The following NOXA1 variants were observed in gnomAD, a reference collection of about 807,000 sequenced individuals.
The protein encoded by NOXA1 is NCF2-like protein.
Under a neutral mutation model 64.8 loss-of-function variants are expected in NOXA1, and 56 were observed. That is an observed-to-expected ratio of 0.86 (90% confidence interval 0.70 to 1.08). The LOEUF (loss-of-function observed/expected upper bound fraction) is 1.08, where lower values mean the gene tolerates loss of function less well. Ranked by LOEUF, NOXA1 falls within the 50% of genes least tolerant of loss-of-function variation. The probability of loss-of-function intolerance (pLI) is 0.00; values close to 1 mark genes in which losing one functional copy is unlikely to be tolerated. For missense variants in NOXA1, 668 were observed against 658.5 expected, an observed-to-expected ratio of 1.01 and a Z score of -0.16; for synonymous variants, 295 against 294.8, an observed-to-expected ratio of 1.00 and a Z score of -0.01.
At chr9:137,427,859 A>C (rs567766364) in intron 2 of NOXA1, among the ~76,000 whole-genome samples, 174 bp from the exon 3 acceptor site, 2 of 152,328 alleles carry the variant, frequency 1.3e-5, no homozygotes, top group East Asian at 3.9e-4. Flanking sequence ...ACACATGTGC[A>C]TGGACCCCTG....
intron 8 of NOXA1, among the ~76,000 whole-genome samples, chr9:137,432,250 G>A (rs969389900): frequency 2.7e-5 from 4 of 145,948 alleles, no homozygotes; most frequent in Non-Finnish European, 4.5e-5. Flanking sequence ...ACTCCACTCC[G>A]GCCTGGGCAA....
chr9:137,423,487 C>T lies in NOXA1; in HGVS notation c.-43C>T. ...CCGCCTGGCCCCGGCCCCGGCCCCT[C>T]CGCGGGATCCTGGCCCCTCCTCGAG... On this transcript the variant is annotated 5_prime_UTR_variant, in exon 1 of 14. Transcript: ENST00000683555. 1 of 1,221,822 alleles carries T rather than the reference C, an allele frequency of 8.2e-7. No homozygotes were observed. The allele number at this position is 1,221,822 out of a possible 1,614,324, so 75.7% of individuals were successfully genotyped here.
At chr9:137,433,696 T>C (rs966019726) in intron 11 of NOXA1, 54 bp from the exon 12 acceptor site, 5 of 1,492,966 alleles carry the variant, frequency 3.3e-6, no homozygotes, top group African/African-American at 1.4e-5. Context: ...CAGAGGTCAC[T>C]GCCCTCCCTG....
At chr9:137,428,417 G>A (rs2131879717) in intron 3 of NOXA1, among the ~76,000 whole-genome samples, 1 of 152,154 alleles carries the variant, frequency 6.6e-6, no homozygotes, top group African/African-American at 2.4e-5. Context: ...AGGGGGTTGT[G>A]CCCACCCTCC....
Position 137,426,103 on chromosome 9 carries a change from G to T in NOXA1, c.178-145G>T, listed in dbSNP as rs566592994. ...GCCCTGCCCAGGCAGGGGCTCCGAA[G>T]GTTCCTGGACAGGAGCAGGAGGGGC... On this transcript the variant is annotated intron_variant, in intron 1 of 13. Transcript: ENST00000683555. The T allele has an allele frequency of 8.2e-5, 59 of 715,268 alleles. No homozygotes were observed. In the Middle Eastern group the frequency reaches 1.0e-3, roughly 13 times the overall value. 44.3% of individuals were successfully genotyped at this position (715,268 alleles called of 1,614,324 possible).
chr9:137,429,846 TC>T (rs1413475721), intron 5 of NOXA1, among the ~76,000 whole-genome samples: 1 of 10,204 alleles, frequency 9.8e-5, no homozygotes, highest in African/African-American at 4.2e-4. Flanking sequence ...GATAGCGAGG[TC>T]CCGGGGGGGG....
At chr9:137,425,098 G>A (rs1024137052) in intron 1 of NOXA1, among the ~76,000 whole-genome samples, 1 of 152,232 alleles carries the variant, frequency 6.6e-6, no homozygotes, top group African/African-American at 2.4e-5. Flanking sequence ...CCCCACATCA[G>A]GGCTGCGTGC....
rs1838665051 is a variant in NOXA1, at chr9:137,423,521, C to G, written c.-9C>G. 7.4e-7 allele frequency: 1 copy of G among 1,353,994 alleles called. No individual in the cohort carries two copies. The highest frequency in any genetic ancestry group is 1.5e-5 in the African/African-American group (1 of 66,380). 83.9% of individuals were successfully genotyped at this position (1,353,994 alleles called of 1,614,324 possible). On this transcript the variant is annotated 5_prime_UTR_variant, in exon 1 of 14. Coordinates refer to ENST00000683555, the MANE Select transcript of NOXA1 (RefSeq NM_001256067.2). ...CCTGGCCCCTCCTCGAGCGCCGCCA[C>G]CGGCCGCCATGGCCTCTCTGGGGGA... is the stretch of plus-strand genomic sequence containing the variant.
intron 2 of NOXA1, among the ~76,000 whole-genome samples, chr9:137,427,651 C>G (rs1218709376): frequency 2.0e-5 from 3 of 152,190 alleles, no homozygotes; most frequent in Non-Finnish European, 4.4e-5. Context: ...GAGCTCCCAG[C>G]AAGGCTTGGA....
intron 2 of NOXA1, among the ~76,000 whole-genome samples, chr9:137,426,692 A>G (rs538126255): frequency 1.3e-5 from 2 of 152,362 alleles, no homozygotes; most frequent in East Asian, 1.9e-4. Flanking sequence ...AGTGGATCAC[A>G]GTCCCGAGAG....
chr9:137,428,354 C>T (rs771904871), intron 3 of NOXA1, among the ~76,000 whole-genome samples: 2 of 152,024 alleles, frequency 1.3e-5, no homozygotes, highest in Non-Finnish European at 2.9e-5. Flanking sequence ...AGGGGTGGCT[C>T]CACCCAGAAG....
intron 5 of NOXA1, 59 bp downstream of exon 5, chr9:137,429,442 T>A: frequency 8.1e-7 from 1 of 1,233,390 alleles, no homozygotes; most frequent in Non-Finnish European, 1.2e-6. Context: ...TCGAACTGTG[T>A]TCCCAGGGAT....
chr9:137,426,404 C>T, intron 2 of NOXA1, 74 bp downstream of exon 2: 1 of 1,215,216 alleles, frequency 8.2e-7, no homozygotes, highest in Non-Finnish European at 1.2e-6. Context: ...TGCACCTCCT[C>T]CTCCTCCCTC....
chr9:137,433,109 A>T (rs772496952), intron 9 of NOXA1, 35 bp downstream of exon 9: 3 of 1,612,100 alleles, frequency 1.9e-6, no homozygotes, highest in Non-Finnish European at 2.5e-6. Flanking sequence ...TCCCCGGGTG[A>T]AGGAGGAAGC....
At position 137,433,232 on chromosome 9, in the gene NOXA1, C is replaced by T. The variant is rs1839194978; in HGVS notation, c.878C>T (p.Pro293Leu). Residue 293 changes from proline to leucine, a missense_variant, in exon 10 of 14, where the codon CCC becomes CTC. Coordinates refer to ENST00000683555, the MANE Select transcript of NOXA1 (RefSeq NM_001256067.2). Reference protein sequence around the residue: ...PGLPAMGGPGPGPCEDPAGAG... With the variant: ...PGLPAMGGPGLGPCEDPAGAG... The stretch of plus-strand genomic sequence containing the variant: ...CTGCCGGCAATGGGGGGGCCTGGCC[C>T]CGGCCCCTGTGAGGACCCCGCGGGT... 2 of 1,603,160 alleles carry T rather than the reference C, an allele frequency of 1.2e-6. No homozygotes were observed. Among genetic ancestry groups the T allele is most frequent in the Admixed American group, 1.7e-5 (1 of 57,994 alleles).
intron 1 of NOXA1, among the ~76,000 whole-genome samples, chr9:137,425,931 G>GT (rs1223441444): frequency 1.3e-5 from 2 of 152,194 alleles, no homozygotes; most frequent in Admixed American, 6.5e-5. Context: ...CTCCCCAGAG[G>GT]TAACTATTAT....
chr9:137,429,345 A>T lies in NOXA1; in HGVS notation c.574A>T (p.Lys192Ter). ...EVFRPHRWHL[K>*]HLEPVDFLGK... Reference sequence around the variant, plus strand: ...CTTCCGGCCCCACCGGTGGCACCTGAAGCACTTGGAGCCCGTGGATTTCCT... The same window carrying T: ...CTTCCGGCCCCACCGGTGGCACCTGTAGCACTTGGAGCCCGTGGATTTCCT... The change falls in exon 5 of 14, where the codon AAG becomes TAG. Residue 192 changes from lysine to a stop codon, truncating the protein, a stop_gained. Transcript: ENST00000683555. LOFTEE classifies it high-confidence loss of function. 6.3e-7 allele frequency: 1 copy of T among 1,585,266 alleles called. No individual in the cohort carries two copies. Among genetic ancestry groups the T allele is most frequent in the Non-Finnish European group, 8.6e-7 (1 of 1,167,196 alleles).
In NOXA1 at chr9:137,429,334, G is replaced by T. The variant is rs377187627; in HGVS notation, c.563G>T (p.Arg188Leu). The T allele has an allele frequency of 6.3e-7, 1 of 1,584,290 alleles. No individual in the cohort carries two copies. The highest frequency in any genetic ancestry group is 1.3e-5 in the African/African-American group (1 of 74,610). ...VPRGEVFRPH[R>L]WHLKHLEPVD... ...AGGGGCGAGGTCTTCCGGCCCCACCGGTGGCACCTGAAGCACTTGGAGCCC... is the reference window on the plus strand; with the variant it reads ...AGGGGCGAGGTCTTCCGGCCCCACCTGTGGCACCTGAAGCACTTGGAGCCC... The change falls in exon 5 of 14, where the codon CGG (arginine) becomes CTG (leucine). Residue 188 changes from arginine (R) to leucine (L), a missense_variant. By Grantham distance (102) the Arg-to-Leu change is moderately radical. Transcript: ENST00000683555.
At chr9:137,432,354 C>A (rs55908408) in intron 8 of NOXA1, among the ~76,000 whole-genome samples, 1 of 151,262 alleles carries the variant, frequency 6.6e-6, no homozygotes, top group Non-Finnish European at 1.5e-5. Context: ...CCTAGGCAGG[C>A]GGATCACAAG....
Sources: gnomAD v4.1 joint callset for allele counts (sites outside exome capture counted in the v4.1 genomes callset) on GRCh38, gnomAD v4.1.1 for gene constraint, MANE v1.5 for transcripts, NCBI Gene and HGNC (gene_info 2026-07-23, HGNC 2026-07-21) for gene names.